NAALADL2: variants seen among roughly 807,000 people sequenced by gnomAD.
NAALADL2 encodes inactive N-acetylated-alpha-linked acidic dipeptidase-like protein 2.
NAALADL2 carries 76 observed loss-of-function variants against 87.2 expected under a neutral mutation model. The ratio of observed to expected loss-of-function variants is 0.87; its 90% confidence interval spans 0.72 to 1.05. The LOEUF (loss-of-function observed/expected upper bound fraction) is 1.05, where lower values mean the gene tolerates loss of function less well. Ranked by LOEUF, NAALADL2 falls within the 50% of genes least tolerant of loss-of-function variation. The probability of loss-of-function intolerance (pLI) is 0.00; values close to 1 mark genes in which losing one functional copy is unlikely to be tolerated. For missense variants in NAALADL2, 1,089 were observed against 945.8 expected (o/e 1.15, Z -1.99); for synonymous variants, 354 against 331.0 (o/e 1.07, Z -0.75).
At chr3:174,974,915 T>G (rs967082196) in intron 1 of NAALADL2, among the ~76,000 whole-genome samples, 1 of 152,094 alleles carries the variant, frequency 6.6e-6, no homozygotes, top group Non-Finnish European at 1.5e-5. Context: ...AGTTTTTTGC[T>G]TTTTTTAAAG....
chr3:174,683,199 T>C (rs923904505), intron 2 of NAALADL2, among the ~76,000 whole-genome samples: 1 of 151,838 alleles, frequency 6.6e-6, no homozygotes, highest in African/African-American at 2.4e-5. Flanking sequence ...AATTTGAAAA[T>C]ACAAAGTCAG....
intron 4 of NAALADL2, among the ~76,000 whole-genome samples, chr3:175,301,875 A>C (rs554610643): frequency 9.9e-5 from 15 of 152,278 alleles, no homozygotes; most frequent in African/African-American, 3.6e-4. Context: ...ACAAAACACA[A>C]GAAAGATATG....
chr3:175,686,266 G>C (rs907129808), intron 11 of NAALADL2, among the ~76,000 whole-genome samples: 2 of 152,134 alleles, frequency 1.3e-5, no homozygotes, highest in African/African-American at 4.8e-5. Context: ...TAATTGTGAA[G>C]TATATTAGCA....
chr3:174,627,124 G>C (rs1721648574), intron 2 of NAALADL2, among the ~76,000 whole-genome samples: 1 of 152,050 alleles, frequency 6.6e-6, no homozygotes, highest in Non-Finnish European at 1.5e-5. Flanking sequence ...AAATTATTAA[G>C]TATGAATCTA....
chr3:175,037,429 G>C (rs1753553941), intron 1 of NAALADL2, among the ~76,000 whole-genome samples: 1 of 152,150 alleles, frequency 6.6e-6, no homozygotes, highest in South Asian at 2.1e-4. Context: ...AAGGAGATGG[G>C]AGATAAATGG....
intron 4 of NAALADL2, among the ~76,000 whole-genome samples, chr3:175,286,733 C>G (rs1195463274): frequency 6.6e-6 from 1 of 151,510 alleles, no homozygotes; most frequent in Non-Finnish European, 1.5e-5. Flanking sequence ...AATTGTTTGT[C>G]TATACTTTTA....
upstream of NAALADL2, among the ~76,000 whole-genome samples, chr3:174,857,995 T>C (rs946454486): frequency 6.6e-6 from 1 of 151,606 alleles, no homozygotes; most frequent in African/African-American, 2.4e-5. Context: ...GCACACATAA[T>C]ATATAGATTT....
chr3:175,056,769 T>A (rs1220994225), intron 1 of NAALADL2, among the ~76,000 whole-genome samples: 1 of 152,244 alleles, frequency 6.6e-6, no homozygotes, highest in Non-Finnish European at 1.5e-5. Flanking sequence ...TGGGTCTGGC[T>A]AGTTATCTGC....
At chr3:175,800,435 A>C (rs1235021589) in intron 13 of NAALADL2, among the ~76,000 whole-genome samples, 1 of 151,930 alleles carries the variant, frequency 6.6e-6, no homozygotes, top group African/African-American at 2.4e-5. Context: ...ATACAATGCT[A>C]AGTTTACTCA....
At chr3:175,494,398 T>C (rs1728524838) in intron 9 of NAALADL2, among the ~76,000 whole-genome samples, 1 of 152,100 alleles carries the variant, frequency 6.6e-6, no homozygotes, top group African/African-American at 2.4e-5. Context: ...TTTAACACTA[T>C]GGGAATCTTT....
At chr3:175,638,749 A>G (rs1471627341) in intron 11 of NAALADL2, among the ~76,000 whole-genome samples, 1 of 152,216 alleles carries the variant, frequency 6.6e-6, no homozygotes, top group African/African-American at 2.4e-5. Context: ...ACAGATGAAA[A>G]CATACATCAT....
intron 5 of NAALADL2, among the ~76,000 whole-genome samples, chr3:175,409,304 T>C (rs918909835): frequency 4.6e-5 from 7 of 151,924 alleles, no homozygotes; most frequent in African/African-American, 1.7e-4. Flanking sequence ...AAAATAAATA[T>C]GTTAATTGAG....
At chr3:175,007,709 A>T (rs554850465) in intron 1 of NAALADL2, among the ~76,000 whole-genome samples, 2 of 152,146 alleles carry the variant, frequency 1.3e-5, no homozygotes, top group East Asian at 3.8e-4. Flanking sequence ...GAACCCAAAT[A>T]TATACTGTTT....
chr3:175,131,811 G>C (rs544436138), intron 2 of NAALADL2, among the ~76,000 whole-genome samples: 1 of 141,114 alleles, frequency 7.1e-6, no homozygotes, highest in Admixed American at 6.9e-5. Flanking sequence ...GGGCCTGGCC[G>C]GGCGGGGGGC....
intron 1 of NAALADL2, chr3:174,550,426 A>G (rs1007162231): frequency 6.6e-6 from 1 of 152,062 alleles, no homozygotes; most frequent in Non-Finnish European, 1.5e-5. Flanking sequence ...TGATTTTAAC[A>G]TAGTTAAAAG....
At chr3:175,143,015 A>G (rs546766428) in intron 2 of NAALADL2, among the ~76,000 whole-genome samples, 2 of 152,106 alleles carry the variant, frequency 1.3e-5, no homozygotes, top group East Asian at 3.9e-4. Context: ...AGGGGAAATA[A>G]TATTGGCCTT....
intron 4 of NAALADL2, among the ~76,000 whole-genome samples, chr3:175,290,499 G>A (rs1755520227): frequency 6.6e-6 from 1 of 152,128 alleles, no homozygotes; most frequent in South Asian, 2.1e-4. Flanking sequence ...GGGGATGATG[G>A]AAATGTTCTA....
intron 9 of NAALADL2, among the ~76,000 whole-genome samples, chr3:175,557,970 A>G (rs771353288): frequency 1.1e-4 from 16 of 152,062 alleles, no homozygotes; most frequent in African/African-American, 2.2e-4. Flanking sequence ...TGAGGCGGAC[A>G]GATCACGAGG....
chr3:175,476,824 CT>C (rs1345519950), intron 9 of NAALADL2, among the ~76,000 whole-genome samples: 1 of 151,912 alleles, frequency 6.6e-6, no homozygotes, highest in Non-Finnish European at 1.5e-5. Flanking sequence ...GACATTTTTG[CT>C]TGAGTGACTG....
Sources: allele counts gnomAD v4.1 joint callset (sites outside exome capture counted in the v4.1 genomes callset), GRCh38; gene constraint gnomAD v4.1.1; transcripts MANE v1.5; gene names NCBI Gene and HGNC (gene_info 2026-07-23, HGNC 2026-07-21).